The following TJP1 variants were observed in gnomAD, a reference collection of about 807,000 sequenced individuals.
TJP1 encodes tight junction protein 1.
Under a neutral mutation model 194.2 loss-of-function variants are expected in TJP1, and 43 were observed. The observed-to-expected ratio is 0.22, with a 90% CI of 0.17 to 0.29. The LOEUF is 0.29. Ranked by LOEUF, TJP1 falls within the 10% of genes least tolerant of loss-of-function variation. The probability of loss-of-function intolerance (pLI) is 1.00; values close to 1 mark genes in which losing one functional copy is unlikely to be tolerated. For missense variants in TJP1, 1,971 were observed against 2,185.7 expected, an observed-to-expected ratio of 0.90 and a Z score of 1.96; for synonymous variants, 801 against 779.0, an observed-to-expected ratio of 1.03 and a Z score of -0.47.
intron 2 of TJP1, among the ~76,000 whole-genome samples, chr15:29,788,465 A>C (rs1393198629): frequency 6.6e-6 from 1 of 152,134 alleles, no homozygotes; most frequent in Non-Finnish European, 1.5e-5. Flanking sequence ...CCTATGGTTC[A>C]TTTAAACTTA....
chr15:29,960,372 G>GC (rs11381827), intron 1 of TJP1, among the ~76,000 whole-genome samples: 64,303 of 151,758 alleles, frequency 0.42, 14,150 homozygotes, highest in African/African-American at 0.54. Flanking sequence ...ATAAAAACAT[G>GC]CTGTAATATC....
chr15:29,794,064 A>C (rs950156925), intron 2 of TJP1, among the ~76,000 whole-genome samples: 3 of 152,302 alleles, frequency 2.0e-5, no homozygotes, highest in African/African-American at 7.2e-5. Context: ...TGTTTGGTAG[A>C]GTTCAGCAGT....
Position 29,708,937 on chromosome 15 carries a change from T to C in TJP1, c.4472A>G (p.Glu1491Gly), listed in dbSNP as rs767141852. 2 of 1,614,206 alleles carry C rather than the reference T, an allele frequency of 1.2e-6. No homozygotes were observed. Among genetic ancestry groups the C allele is most frequent in the Non-Finnish European group, 1.7e-6 (2 of 1,180,032 alleles). Residue 1491 changes from glutamate (E) to glycine (G), a missense_variant, in exon 25 of 28, where the codon GAA (glutamate) becomes GGA (glycine). Glu to Gly is a moderately conservative substitution (Grantham distance 98). This residue lies in a region of TJP1 where 1,108 missense variants were observed against 1,128.5 expected (regional missense o/e 0.98). Coordinates refer to ENST00000614355, the MANE Select transcript of TJP1 (RefSeq NM_001330239.4). The part of the protein sequence containing the change: ...KPATFRPPNR[E>G]DTAQAAFYPQ... ...ATAGAAAGCTGCCTGAGCAGTATCT[T>C]CTCGGTTTGGTGGTCTGAAAGTTGC...
intron 2 of TJP1, among the ~76,000 whole-genome samples, chr15:29,883,395 A>G (rs753854882): frequency 3.3e-5 from 5 of 152,170 alleles, no homozygotes; most frequent in African/African-American, 4.8e-5. Flanking sequence ...CTCACTCTGC[A>G]TTGTTTATGC....
intron 3 of TJP1, among the ~76,000 whole-genome samples, chr15:29,772,425 A>G (rs971694564): frequency 2.0e-5 from 3 of 152,206 alleles, no homozygotes; most frequent in African/African-American, 7.2e-5. Context: ...CTGAACAGAT[A>G]TCACATACAC....
chr15:29,944,888 A>G (rs1164426963), intron 2 of TJP1, among the ~76,000 whole-genome samples: 1 of 152,224 alleles, frequency 6.6e-6, no homozygotes, highest in Non-Finnish European at 1.5e-5. Flanking sequence ...ATTTTACTGT[A>G]TTAAATATCA....
intron 2 of TJP1, among the ~76,000 whole-genome samples, chr15:29,786,883 G>A (rs991434688): frequency 6.6e-6 from 1 of 152,146 alleles, no homozygotes; most frequent in African/African-American, 2.4e-5. Flanking sequence ...TCAAGTTCTC[G>A]CTCTTAAGGG....
intron 2 of TJP1, among the ~76,000 whole-genome samples, chr15:29,861,543 C>T (rs970965800): frequency 1.3e-5 from 2 of 152,156 alleles, no homozygotes; most frequent in African/African-American, 2.4e-5. Context: ...TGGGATTCAA[C>T]GATACTGGCA....
At chr15:29,927,204 C>A (rs2152263849) in intron 2 of TJP1, among the ~76,000 whole-genome samples, 1 of 152,222 alleles carries the variant, frequency 6.6e-6, no homozygotes, top group African/African-American at 2.4e-5. Context: ...CCTGTAATCC[C>A]AGCTATTCAG....
intron 8 of TJP1, among the ~76,000 whole-genome samples, chr15:29,747,886 T>C (rs571575185): frequency 6.6e-6 from 1 of 152,358 alleles, no homozygotes; most frequent in Non-Finnish European, 1.5e-5. Context: ...AATTACCTTT[T>C]TGTCCTGTGA....
intron 2 of TJP1, among the ~76,000 whole-genome samples, chr15:29,953,174 C>T (rs567071716): frequency 2.9e-5 from 3 of 103,944 alleles, no homozygotes; most frequent in South Asian, 6.3e-4. Context: ...CGGAGTCTCG[C>T]TCTGTCGTCC....
At chr15:29,862,770 C>T (rs1478428811) in intron 2 of TJP1, among the ~76,000 whole-genome samples, 1 of 151,334 alleles carries the variant, frequency 6.6e-6, no homozygotes, top group Non-Finnish European at 1.5e-5. Flanking sequence ...GCCTCAGCCT[C>T]CCGTGTAGCT....
In TJP1 at chr15:29,742,740, G is replaced by T; in HGVS notation, c.1052C>A (p.Ala351Asp). 1 of 1,604,844 alleles carries T rather than the reference G, an allele frequency of 6.2e-7. No individual in the cohort carries two copies. Among genetic ancestry groups the T allele is most frequent in the Non-Finnish European group, 8.5e-7 (1 of 1,176,264 alleles). Residue 351 changes from alanine (A) to aspartate (D), a missense_variant, in exon 9 of 28, where the codon GCT (alanine) becomes GAT (aspartate). By Grantham distance (126) the Ala-to-Asp change is moderately radical. Around this residue, in one of 5 missense-constraint regions of TJP1, gnomAD observed 192 missense variants for 182.3 expected, o/e 1.05. Coordinates refer to ENST00000614355, the MANE Select transcript of TJP1 (RefSeq NM_001330239.4). ...RDEERISKPG[A>D]VSTPVKHADD... Reference sequence around the variant, plus strand: ...AGCATGCTTTACAGGAGTTGAGACAGCCCCAGGTTTAGAAATTCTCTCTTC... The same window carrying T: ...AGCATGCTTTACAGGAGTTGAGACATCCCCAGGTTTAGAAATTCTCTCTTC...
At chr15:29,912,332 C>T (rs545494330) in intron 2 of TJP1, among the ~76,000 whole-genome samples, 3 of 152,274 alleles carry the variant, frequency 2.0e-5, no homozygotes, top group African/African-American at 7.2e-5. Context: ...AAGAAAACAA[C>T]TATTTAGTTT....
rs1253656906 is a variant in TJP1 at position 29,705,666 on chromosome 15, C to T, written c.4930G>A (p.Gly1644Arg). 6.2e-7 allele frequency: 1 copy of T among 1,614,194 alleles called. No homozygotes were observed. The highest frequency in any genetic ancestry group is 1.3e-5 in the African/African-American group (1 of 75,060). Residue 1644 changes from glycine (G) to arginine (R), a missense_variant, in exon 26 of 28, where the codon GGG (glycine) becomes AGG (arginine). Around this residue, in one of 5 missense-constraint regions of TJP1, gnomAD observed 1,108 missense variants for 1,128.5 expected, o/e 0.98. Transcript: ENST00000614355. ...ATARGIFNSN[G>R]GVLSSIETGV... Reference sequence around the variant, plus strand: ...GTTTCTATGGAACTCAGCACGCCCCCATTGCTGTTAAATATGCCTCGGGCT... The same window carrying T: ...GTTTCTATGGAACTCAGCACGCCCCTATTGCTGTTAAATATGCCTCGGGCT...
chr15:29,701,332 A>G lies in TJP1; in HGVS notation c.*263T>C. 2.8e-6 allele frequency: 1 copy of G among 362,150 alleles called. No individual in the cohort carries two copies. The highest frequency in any genetic ancestry group is 5.0e-6 in the Non-Finnish European group (1 of 199,424). 22.4% of individuals were successfully genotyped at this position (362,150 alleles called of 1,614,324 possible). On this transcript the variant is annotated 3_prime_UTR_variant, in exon 28 of 28. Coordinates refer to ENST00000614355, the MANE Select transcript of TJP1 (RefSeq NM_001330239.4). Reference sequence around the variant, plus strand: ...GTGAAGTTAAGCAGTGACGATAAAAAAATTACAAAAATCACAAAGCAAAAT... The same window carrying G: ...GTGAAGTTAAGCAGTGACGATAAAAGAATTACAAAAATCACAAAGCAAAAT...
intron 2 of TJP1, among the ~76,000 whole-genome samples, chr15:29,922,997 C>T (rs2054414744): frequency 6.6e-6 from 1 of 152,078 alleles, no homozygotes; most frequent in African/African-American, 2.4e-5. Context: ...AAAATGCTAA[C>T]AATAACACTA....
At position 29,734,096 on chromosome 15, in the gene TJP1, A is replaced by T. The variant is rs973337555; in HGVS notation, c.1516+178T>A. Among the ~76,000 whole-genome samples the T allele has an allele frequency of 3.5e-4, 53 of 152,206 alleles. 1 individual carries two copies. The highest frequency in any genetic ancestry group is 2.6e-4 in the Admixed American group (4 of 15,272). ...GTCCTATTAGCATGCTCTGCTAATG[A>T]GAATCATCTGAAATTCTGTGCTCCT... On this transcript the variant is annotated intron_variant, in intron 12 of 27. Transcript: ENST00000614355.
At chr15:29,940,077 A>G (rs1234001643) in intron 2 of TJP1, among the ~76,000 whole-genome samples, 1 of 152,218 alleles carries the variant, frequency 6.6e-6, no homozygotes, top group Non-Finnish European at 1.5e-5. Context: ...AGGCCGTAAG[A>G]TATTCTGGGG....
Sources: gnomAD v4.1 joint callset for allele counts (sites outside exome capture counted in the v4.1 genomes callset) on GRCh38, gnomAD v4.1.1 for gene constraint, gnomAD v4.1.1 regional missense constraint, MANE v1.5 for transcripts, NCBI Gene and HGNC (gene_info 2026-07-23, HGNC 2026-07-21) for gene names.